The following MUC5AC variants were observed in gnomAD, a reference collection of about 807,000 sequenced individuals.
MUC5AC encodes mucin-5AC.
MUC5AC carries 158 observed loss-of-function variants against 169.7 expected under a neutral mutation model. The observed-to-expected ratio is 0.93, with a 90% CI of 0.82 to 1.06. The LOEUF (loss-of-function observed/expected upper bound fraction) is 1.06, where lower values mean the gene tolerates loss of function less well. MUC5AC is among the 50% of genes least tolerant of loss of function. MUC5AC has a pLI of 0.00. For missense variants in MUC5AC, 4,359 were observed against 3,089.9 expected (o/e 1.41, Z -9.74); for synonymous variants, 1,975 against 1,237.0 (o/e 1.60, Z -12.52).
At chr11:1,175,575 T>C in intron 19 of MUC5AC, among the ~76,000 whole-genome samples, 1 of 111,966 alleles carries the variant, frequency 8.9e-6, no homozygotes, top group South Asian at 3.1e-4. Flanking sequence ...ATGCACATGC[T>C]CACACACCCA....
At position 1,178,673 on chromosome 11, in the gene MUC5AC, G is replaced by C; in HGVS notation, c.3317G>C (p.Cys1106Ser). ...SILHGPTFAA[C>S]HAHVEPARYY... is the part of the protein sequence containing the mutation. ...CTCCACGGCCCCACCTTCGCCGCCT[G>C]CCACGCACACGTATGCTGGCCGGGG... Residue 1106 changes from cysteine to serine, a missense_variant, in exon 25 of 49, where the codon TGC becomes TCC. Cys to Ser is a moderately radical substitution (Grantham distance 112). Coordinates refer to ENST00000621226, the MANE Select transcript of MUC5AC (RefSeq NM_001304359.2). The C allele has an allele frequency of 7.6e-7, 1 of 1,313,770 alleles. No individual in the cohort carries two copies. Among genetic ancestry groups the C allele is most frequent in the Non-Finnish European group, 9.8e-7 (1 of 1,023,672 alleles). 81.4% of individuals were successfully genotyped at this position (1,313,770 alleles called of 1,614,324 possible). A position where few individuals can be genotyped will look rare whatever the true frequency, so the allele number is the denominator to read the frequency against.
intron 9 of MUC5AC, among the ~76,000 whole-genome samples, chr11:1,164,926 T>C (rs75172147): frequency 1.8e-5 from 2 of 108,676 alleles, no homozygotes; most frequent in Admixed American, 8.9e-5. Context: ...GATCCTGTCC[T>C]GAGCCCCCTG....
At chr11:1,158,444 A>C (rs1330944493) in intron 1 of MUC5AC, among the ~76,000 whole-genome samples, 1 of 152,180 alleles carries the variant, frequency 6.6e-6, no homozygotes, top group African/African-American at 2.4e-5. Context: ...CATTAGCCCC[A>C]GGCACCTGCC....
Position 1,186,875 on chromosome 11 carries a change from T to C in MUC5AC, c.8730T>C (p.Ser2910=), listed in dbSNP as rs1860962414. 2.7e-6 allele frequency: 2 copies of C among 729,216 alleles called. No homozygotes were observed. Among genetic ancestry groups the C allele is most frequent in the Non-Finnish European group, 5.0e-6 (2 of 399,910 alleles). 45.2% of individuals were successfully genotyped at this position (729,216 alleles called of 1,614,324 possible). A position where few individuals can be genotyped will look rare whatever the true frequency, so the allele number is the denominator to read the frequency against. ...CTGCTCCTACAACCAGCACAACCTC[T>C]GCCCCTACAACCAGCACAACCTCTG... ...TTSAPTTSTT[S]APTTSTTSAP... is the part of the protein sequence containing the mutation. Residue 2910 remains serine (S), a synonymous_variant, in exon 31 of 49, where the codon TCT becomes TCC. Transcript: ENST00000621226.
Position 1,191,434 on chromosome 11 carries a change from C to T in MUC5AC, c.13289C>T (p.Thr4430Ile), listed in dbSNP as rs1861094027. Residue 4430 changes from threonine (T) to isoleucine (I), a missense_variant, in exon 31 of 49, where the codon ACA (threonine) becomes ATA (isoleucine). Physicochemically the swap from Thr to Ile is moderately conservative, Grantham distance 89 (BLOSUM62 -1). Transcript: ENST00000621226. ...ACAACCAGAACAACCCCTGCCTCTA[C>T]AGCCAGCACAACCTCTGGTCCTGGA... is the stretch of plus-strand genomic sequence containing the variant. The part of the protein sequence containing the change: ...APTTRTTPAS[T>I]ASTTSGPGTT... The T allele has an allele frequency of 1.3e-6, 1 of 743,202 alleles. No individual in the cohort carries two copies. The highest frequency in any genetic ancestry group is 2.5e-6 in the Non-Finnish European group (1 of 406,464). 46.0% of individuals were successfully genotyped at this position (743,202 alleles called of 1,614,324 possible). A position where few individuals can be genotyped will look rare whatever the true frequency, so the allele number is the denominator to read the frequency against.
Position 1,195,873 on chromosome 11 carries a change from CAG to C in MUC5AC, c.15459-2_15459-1del. ...CCCAGCACCCTGCCCATCCCTCCCA[CAG>C]GGTCTTTGAGCCGTGCCACACTGTG... On this transcript the variant is annotated splice_acceptor_variant, in intron 36 of 48. Coordinates refer to ENST00000621226, the MANE Select transcript of MUC5AC (RefSeq NM_001304359.2). LOFTEE classifies it high-confidence loss of function. 1 of 763,898 alleles carries C rather than the reference CAG, an allele frequency of 1.3e-6. No individual in the cohort carries two copies. Among genetic ancestry groups the C allele is most frequent in the Admixed American group, 1.7e-5 (1 of 58,944 alleles). 47.3% of individuals were successfully genotyped at this position (763,898 alleles called of 1,614,324 possible). A position where few individuals can be genotyped will look rare whatever the true frequency, so the allele number is the denominator to read the frequency against.
rs1420298270 is a variant in MUC5AC, at chr11:1,186,535, C to T, written c.8390C>T (p.Thr2797Ile). 41 of 699,152 alleles carry T rather than the reference C, an allele frequency of 5.9e-5. No homozygotes were observed. In the African/African-American group the frequency reaches 7.0e-4, roughly 12 times the overall value. 43.3% of individuals were successfully genotyped at this position (699,152 alleles called of 1,614,324 possible). The change falls in exon 31 of 49, where the codon ACC becomes ATC. Residue 2797 changes from threonine (T) to isoleucine (I), a missense_variant. Thr to Ile is a moderately conservative substitution (Grantham distance 89). Transcript: ENST00000621226. ...STTLSPTTST[T>I]STTITSTTSA... ...ACTTTGTCTCCTACAACCAGCACAA[C>T]CTCTACTACTATAACCAGCACAACT...
rs1311047931 is a variant in MUC5AC, at chr11:1,185,340, G to T, written c.7195G>T (p.Val2399Phe). Reference protein sequence around the residue: ...ISGPETTPSPVPTTSTTSATT... With the variant: ...ISGPETTPSPFPTTSTTSATT... ...TGGTCCTGAAACTACTCCCAGCCCT[G>T]TTCCTACCACCAGCACAACCTCTGC... The change falls in exon 31 of 49, where the codon GTT (valine) becomes TTT (phenylalanine). Residue 2399 changes from valine (V) to phenylalanine (F), a missense_variant. Physicochemically the swap from Val to Phe is conservative, Grantham distance 50 (BLOSUM62 -1). Transcript: ENST00000621226. 2 of 711,696 alleles carry T rather than the reference G, an allele frequency of 2.8e-6. No homozygotes were observed. The highest frequency in any genetic ancestry group is 5.1e-6 in the Non-Finnish European group (2 of 389,990). The allele number at this position is 711,696 out of a possible 1,614,324, so 44.1% of individuals were successfully genotyped here. A position where few individuals can be genotyped will look rare whatever the true frequency, so the allele number is the denominator to read the frequency against.
Position 1,180,485 on chromosome 11 carries a change from G to C in MUC5AC, c.3745G>C (p.Val1249Leu), listed in dbSNP as rs1474413286. The change falls in exon 28 of 49, where the codon GTG becomes CTG. Residue 1249 changes from valine (V) to leucine (L), a missense_variant. By Grantham distance (32) the Val-to-Leu change is conservative. Transcript: ENST00000621226. The part of the protein sequence containing the change: ...VHGKSYRPGA[V>L]VPSDKNCQSC... Reference sequence around the variant, plus strand: ...TGGGAAGTCCTACCGGCCAGGTGCAGTGGTGCCCTCGGACAAGAACTGCCA... The same window carrying C: ...TGGGAAGTCCTACCGGCCAGGTGCACTGGTGCCCTCGGACAAGAACTGCCA... The C allele has an allele frequency of 7.5e-6, 3 of 398,858 alleles. No homozygotes were observed. Among genetic ancestry groups the C allele is most frequent in the Non-Finnish European group, 1.3e-5 (3 of 226,298 alleles). The allele number at this position is 398,858 out of a possible 1,614,324, so 24.7% of individuals were successfully genotyped here.
At chr11:1,173,293 CCACT>C (rs1338107386) in intron 16 of MUC5AC, among the ~76,000 whole-genome samples, 3 of 145,688 alleles carry the variant, frequency 2.1e-5, no homozygotes, top group Non-Finnish European at 3.0e-5. Context: ...ACTCACTCAT[CCACT>C]CACTCACCCA....
intron 1 of MUC5AC, 89 bp downstream of exon 1, chr11:1,158,161 G>A (rs1272004949): frequency 2.4e-6 from 3 of 1,251,518 alleles, no homozygotes; most frequent in Admixed American, 2.2e-5. Context: ...CCTGGGTTCC[G>A]GGCAGGCTGC....
At chr11:1,177,936 G>A (rs1313030918) in intron 24 of MUC5AC, among the ~76,000 whole-genome samples, 5 of 149,740 alleles carry the variant, frequency 3.3e-5, no homozygotes, top group Non-Finnish European at 1.5e-5. Context: ...GCTCTGGGGG[G>A]CTCCTTTTGG....
intron 4 of MUC5AC, 88 bp from the exon 5 acceptor site, chr11:1,162,444 G>C: frequency 8.1e-7 from 1 of 1,228,716 alleles, no homozygotes; most frequent in Non-Finnish European, 1.2e-6. Flanking sequence ...CACGATGACC[G>C]TGTCACATTT....
chr11:1,190,167 C>G lies in MUC5AC; in HGVS notation c.12022C>G (p.Pro4008Ala). 1 of 764,732 alleles carries G rather than the reference C, an allele frequency of 1.3e-6. No homozygotes were observed. Among genetic ancestry groups the G allele is most frequent in the East Asian group, 2.4e-5 (1 of 41,240 alleles). 47.4% of individuals were successfully genotyped at this position (764,732 alleles called of 1,614,324 possible). ...TRLQCRAESH[P>A]EVSIEHLGQV... ...GCTCCAGTGCCGAGCCGAGAGCCAC[C>G]CGGAGGTGAGCATCGAACACCTGGG... The change falls in exon 31 of 49, where the codon CCG (proline) becomes GCG (alanine). Residue 4008 changes from proline (P) to alanine (A), a missense_variant. Pro to Ala is a conservative substitution (Grantham distance 27, BLOSUM62 -1). Coordinates refer to ENST00000621226, the MANE Select transcript of MUC5AC (RefSeq NM_001304359.2).
In MUC5AC at chr11:1,193,561, G is replaced by A. The variant is rs375777439; in HGVS notation, c.14657G>A (p.Arg4886His). 32 of 764,508 alleles carry A rather than the reference G, an allele frequency of 4.2e-5. No homozygotes were observed. The East Asian group carries it at 4.4e-4, about 10-fold the overall frequency. The allele number at this position is 764,508 out of a possible 1,614,324, so 47.4% of individuals were successfully genotyped here. A position where few individuals can be genotyped will look rare whatever the true frequency, so the allele number is the denominator to read the frequency against. Residue 4886 changes from arginine to histidine, a missense_variant, in exon 33 of 49, where the codon CGC becomes CAC. Coordinates refer to ENST00000621226, the MANE Select transcript of MUC5AC (RefSeq NM_001304359.2). ...AACAACGTCATCTCCCTGCGCCCGC[G>A]CACGTGCCCGAGGGTGGAGAAGCCC... The part of the protein sequence containing the change: ...EGNNVISLRP[R>H]TCPRVEKPTC...
In MUC5AC at chr11:1,199,457, G is replaced by A. The variant is rs755089371; in HGVS notation, c.16482G>A (p.Thr5494=). The A allele has an allele frequency of 5.5e-6, 4 of 725,336 alleles. No individual in the cohort carries two copies. The highest frequency in any genetic ancestry group is 7.5e-6 in the Non-Finnish European group (3 of 397,732). 44.9% of individuals were successfully genotyped at this position (725,336 alleles called of 1,614,324 possible). A position where few individuals can be genotyped will look rare whatever the true frequency, so the allele number is the denominator to read the frequency against. The part of the protein sequence containing the change: ...KHQDGLVVVT[T]KKACPPLSCS... ...AGGATGGGCTCGTGGTGGTCACCAC[G>A]AAGAAGGCGTGCCCCCCGCTCAGCT... The change falls in exon 46 of 49, where the codon ACG becomes ACA. Residue 5494 remains threonine, a synonymous_variant. Transcript: ENST00000621226.
rs1200677751 is a variant in MUC5AC, at chr11:1,175,666, G to T, written c.2401+396G>T. Among the ~76,000 whole-genome samples, 7 of 122,666 alleles carry T rather than the reference G, an allele frequency of 5.7e-5. 1 individual carries two copies. The South Asian group carries it at 2.0e-3, about 34-fold the overall frequency. The allele number at this position is 122,666 out of a possible 152,430, so 80.5% of individuals were successfully genotyped here. A position where few individuals can be genotyped will look rare whatever the true frequency, so the allele number is the denominator to read the frequency against. Reference sequence around the variant, plus strand: ...CACTCACACACCCACTCATACACACGCACTCACACCCACTCATGCACACAC... The same window carrying T: ...CACTCACACACCCACTCATACACACTCACTCACACCCACTCATGCACACAC... On this transcript the variant is annotated intron_variant, in intron 19 of 48. Coordinates refer to ENST00000621226, the MANE Select transcript of MUC5AC (RefSeq NM_001304359.2).
intron 1 of MUC5AC, among the ~76,000 whole-genome samples, chr11:1,158,612 G>C (rs763680938): frequency 3.3e-5 from 5 of 152,216 alleles, no homozygotes; most frequent in Non-Finnish European, 7.3e-5. Context: ...CTAAGAGGGT[G>C]ATGGGGGAGG....
In MUC5AC at chr11:1,162,542, C is replaced by T. The variant is rs1453413413; in HGVS notation, c.484C>T (p.Pro162Ser). The change falls in exon 5 of 49, where the codon CCC becomes TCC. Residue 162 changes from proline (P) to serine (S), a missense_variant. Transcript: ENST00000621226. ...VLVNGHPVLLPFSQSGVLIQQ... is the reference protein window; with the variant it reads ...VLVNGHPVLLSFSQSGVLIQQ... ...TGCCTTCCTCCACAGGGTCCTGCTGCCCTTCAGCCAGTCTGGGGTCCTCAT... is the reference window on the plus strand; with the variant it reads ...TGCCTTCCTCCACAGGGTCCTGCTGTCCTTCAGCCAGTCTGGGGTCCTCAT... 1 of 1,612,606 alleles carries T rather than the reference C, an allele frequency of 6.2e-7. No individual in the cohort carries two copies. Among genetic ancestry groups the T allele is most frequent in the South Asian group, 1.1e-5 (1 of 91,072 alleles).
Sources: gnomAD v4.1 joint callset for allele counts (sites outside exome capture counted in the v4.1 genomes callset) on GRCh38, gnomAD v4.1.1 for gene constraint, MANE v1.5 for transcripts, NCBI Gene and HGNC (gene_info 2026-07-23, HGNC 2026-07-21) for gene names.